Variants in TEX2 observed in about 807,000 individuals in gnomAD.
TEX2 encodes testis expressed 2.
A neutral mutation model predicts 106.9 loss-of-function variants in TEX2; 53 were observed. That is an observed-to-expected ratio of 0.50 (90% confidence interval 0.40 to 0.62). The LOEUF is 0.62. Among genes scored for constraint, TEX2 ranks in the 20% least tolerant of loss-of-function variants. The pLI is 0.00. For synonymous variants in TEX2, 523 were observed against 534.8 expected (o/e 0.98, Z 0.30); for missense variants, 1,207 against 1,379.0 (o/e 0.88, Z 1.98).
At chr17:64,197,983 T>C (rs1244140828) in intron 2 of TEX2, among the ~76,000 whole-genome samples, 1 of 152,232 alleles carries the variant, frequency 6.6e-6, no homozygotes, top group Non-Finnish European at 1.5e-5. Flanking sequence ...CTTATGACTT[T>C]ATCTTTAGGC....
chr17:64,211,668 A>T (rs1208470038), intron 2 of TEX2, among the ~76,000 whole-genome samples: 3 of 152,212 alleles, frequency 2.0e-5, no homozygotes, highest in Non-Finnish European at 2.9e-5. Flanking sequence ...GCCATTTTAC[A>T]TAAGGGACTG....
chr17:64,208,600 AT>A (rs1283418849), intron 2 of TEX2, among the ~76,000 whole-genome samples: 2 of 151,084 alleles, frequency 1.3e-5, no homozygotes, highest in African/African-American at 2.4e-5. Context: ...ATTAAACCCT[AT>A]TTTTTTTAAA....
chr17:64,163,934 C>G (rs988449808), intron 7 of TEX2, among the ~76,000 whole-genome samples: 2 of 152,194 alleles, frequency 1.3e-5, no homozygotes, highest in Admixed American at 1.3e-4. Context: ...TTTCTATAAC[C>G]ATGTGCCCTG....
chr17:64,188,554 C>T (rs904691889), intron 4 of TEX2, 139 bp from the exon 5 acceptor site: 176 of 1,353,522 alleles, frequency 1.3e-4, no homozygotes, highest in Middle Eastern at 6.9e-4. Context: ...TGGTGGCTCA[C>T]GCCTGTAATC....
At chr17:64,169,227 C>T (rs979909805) in intron 7 of TEX2, among the ~76,000 whole-genome samples, 1 of 151,954 alleles carries the variant, frequency 6.6e-6, no homozygotes, top group African/African-American at 2.4e-5. Context: ...TTAGTAGAGA[C>T]GGGGTTTCAC....
chr17:64,253,400 G>C (rs1555637279), intron 1 of TEX2, among the ~76,000 whole-genome samples: 1 of 150,508 alleles, frequency 6.6e-6, no homozygotes, highest in African/African-American at 2.4e-5. Context: ...CCTGGGCTCA[G>C]GCAGTCCTCC....
At chr17:64,188,838 T>C (rs2032190590) in intron 4 of TEX2, among the ~76,000 whole-genome samples, 1 of 151,780 alleles carries the variant, frequency 6.6e-6, no homozygotes, top group African/African-American at 2.4e-5. Flanking sequence ...AAAAATTTTA[T>C]AAGTTTATTT....
At position 64,153,003 on chromosome 17, in the gene TEX2, G is replaced by A; in HGVS notation, c.3082C>T (p.Gln1028Ter). 6.2e-7 allele frequency: 1 copy of A among 1,614,180 alleles called. No individual in the cohort carries two copies. The highest frequency in any genetic ancestry group is 8.5e-7 in the Non-Finnish European group (1 of 1,180,030). Reference sequence around the variant, plus strand: ...ACCGCCAAGGTTCCTCTACATTCTTGTACTTCAACAGTGAGCAGCAGGGGT... The same window carrying A: ...ACCGCCAAGGTTCCTCTACATTCTTATACTTCAACAGTGAGCAGCAGGGGT... ...NTPLLLTVEVQECRGTLAVNI... is the reference protein window; with the variant it reads ...NTPLLLTVEV The change falls in exon 10 of 12, where the codon CAA becomes TAA. Residue 1028 changes from glutamine to a stop codon, truncating the protein, a stop_gained. Coordinates refer to ENST00000584379, the MANE Select transcript of TEX2 (RefSeq NM_001288732.2). LOFTEE classifies it high-confidence loss of function. The surrounding 1 kb of genome is among the most constrained non-coding windows in gnomAD (Gnocchi z 4.1).
Position 64,188,419 on chromosome 17 carries a change from G to C in TEX2, c.2177-4C>G. The C allele has an allele frequency of 6.2e-7, 1 of 1,614,144 alleles. No homozygotes were observed. The highest frequency in any genetic ancestry group is 8.5e-7 in the Non-Finnish European group (1 of 1,180,000). On this transcript the variant is annotated splice_polypyrimidine_tract_variant and splice_region_variant and intron_variant, in intron 4 of 11. Transcript: ENST00000584379. Reference sequence around the variant, plus strand: ...CTGCTGTGTGCAGGCAAAAGCCCTGGAGCCAAGAAGACGGGGGCTATTCAC... The same window carrying C: ...CTGCTGTGTGCAGGCAAAAGCCCTGCAGCCAAGAAGACGGGGGCTATTCAC...
At chr17:64,181,490 A>T (rs2031860753) in intron 5 of TEX2, among the ~76,000 whole-genome samples, 1 of 151,054 alleles carries the variant, frequency 6.6e-6, no homozygotes, top group Admixed American at 6.6e-5. Context: ...AAAAAAAAAA[A>T]AAAAAAAAGC....
chr17:64,226,524 G>A (rs2033509392), intron 1 of TEX2, among the ~76,000 whole-genome samples: 1 of 152,192 alleles, frequency 6.6e-6, no homozygotes, highest in South Asian at 2.1e-4. Flanking sequence ...AGGACTTACA[G>A]TCTTTCTTAA....
intron 1 of TEX2, among the ~76,000 whole-genome samples, chr17:64,220,847 C>G (rs1438939749): frequency 6.6e-6 from 1 of 152,196 alleles, no homozygotes; most frequent in Non-Finnish European, 1.5e-5. Flanking sequence ...AATGCCATTA[C>G]TGGGTATATA....
At chr17:64,191,335 G>A (rs1277293317) in intron 4 of TEX2, among the ~76,000 whole-genome samples, 1 of 152,122 alleles carries the variant, frequency 6.6e-6, no homozygotes, top group Non-Finnish European at 1.5e-5. Context: ...TGAATAACAT[G>A]CCTCTTTTGA....
At chr17:64,200,973 T>G (rs558172009) in intron 2 of TEX2, among the ~76,000 whole-genome samples, 11 of 152,206 alleles carry the variant, frequency 7.2e-5, no homozygotes, top group Admixed American at 5.9e-4. Context: ...GATGCTAAAG[T>G]CCACAGCTGC....
chr17:64,188,320 G>A lies in TEX2; in HGVS notation c.2272C>T (p.Gln758Ter). The change falls in exon 5 of 12, where the codon CAG (glutamine) becomes TAG (stop). Residue 758 changes from glutamine (Q) to a stop codon, truncating the protein, a stop_gained. Coordinates refer to ENST00000584379, the MANE Select transcript of TEX2 (RefSeq NM_001288732.2). LOFTEE classifies it high-confidence loss of function. ...CCTGCCAGCTCCTTCTGCTTTGGCT[G>A]TGACATGATCTCCTCCACACTGCCT... ...SKGSVEEIMS[Q>*]PKQKELAGSV... 1 of 1,614,176 alleles carries A rather than the reference G, an allele frequency of 6.2e-7. No homozygotes were observed. Among genetic ancestry groups the A allele is most frequent in the South Asian group, 1.1e-5 (1 of 91,088 alleles).
chr17:64,151,112 A>C, intron 10 of TEX2, 151 bp from the exon 11 acceptor site: 1 of 940,800 alleles, frequency 1.1e-6, no homozygotes, highest in Non-Finnish European at 1.5e-6. Context: ...TTCCACACAC[A>C]AAGTATGAAT....
intron 8 of TEX2, among the ~76,000 whole-genome samples, chr17:64,159,703 A>T (rs545275478): frequency 1.4e-4 from 21 of 152,356 alleles, no homozygotes; most frequent in African/African-American, 5.1e-4. Flanking sequence ...CTCACCAGAA[A>T]ATATAAATCC....
intron 1 of TEX2, among the ~76,000 whole-genome samples, chr17:64,247,378 T>C (rs16947603): frequency 0.032 from 4,833 of 151,682 alleles, 129 homozygotes; most frequent in South Asian, 0.1. Flanking sequence ...CCTGTGAAAA[T>C]TCAGTAGGGT....
intron 7 of TEX2, among the ~76,000 whole-genome samples, chr17:64,169,617 T>C (rs75737876): frequency 0.011 from 1,620 of 152,320 alleles, 26 homozygotes; most frequent in African/African-American, 0.037. Flanking sequence ...CACTGAAATA[T>C]TGCTGGAGAG....
Sources: allele counts gnomAD v4.1 joint callset (sites outside exome capture counted in the v4.1 genomes callset), GRCh38; gene constraint gnomAD v4.1.1; non-coding constraint Gnocchi (gnomAD v3.1); transcripts MANE v1.5; gene names NCBI Gene and HGNC (gene_info 2026-07-23, HGNC 2026-07-21).